Variants in CLSTN2 observed in about 807,000 individuals in gnomAD.
The protein encoded by CLSTN2 is calsyntenin-2.
Under a neutral mutation model 101.2 loss-of-function variants are expected in CLSTN2, and 48 were observed. The observed-to-expected ratio is 0.47, with a 90% CI of 0.38 to 0.60. The LOEUF (loss-of-function observed/expected upper bound fraction) is 0.60, where lower values mean the gene tolerates loss of function less well. Among genes scored for constraint, CLSTN2 ranks in the 20% least tolerant of loss-of-function variants. The probability of loss-of-function intolerance (pLI) is 0.00; values close to 1 mark genes in which losing one functional copy is unlikely to be tolerated. For synonymous variants in CLSTN2, 481 were observed against 463.6 expected, an observed-to-expected ratio of 1.04 and a Z score of -0.48; for missense variants, 1,160 against 1,238.2, an observed-to-expected ratio of 0.94 and a Z score of 0.95.
chr3:140,189,587 G>C (rs2010531214), intron 2 of CLSTN2, among the ~76,000 whole-genome samples: 1 of 152,016 alleles, frequency 6.6e-6, no homozygotes, highest in African/African-American at 2.4e-5. Flanking sequence ...ATTGCATTAG[G>C]ATTTTTGTTA....
At chr3:140,420,713 T>G (rs1415222762) in intron 4 of CLSTN2, among the ~76,000 whole-genome samples, 2 of 152,242 alleles carry the variant, frequency 1.3e-5, no homozygotes, top group African/African-American at 4.8e-5. Flanking sequence ...AAAAAATATG[T>G]GTCAGGACAT....
intron 8 of CLSTN2, 148 bp downstream of exon 8, chr3:140,466,879 C>G: frequency 9.5e-7 from 1 of 1,048,398 alleles, no homozygotes; most frequent in Non-Finnish European, 1.4e-6. Context: ...CACACAGCAT[C>G]TTAAAGTCAG....
chr3:140,134,541 C>T (rs1276905643), intron 1 of CLSTN2, among the ~76,000 whole-genome samples: 1 of 152,154 alleles, frequency 6.6e-6, no homozygotes, highest in Non-Finnish European at 1.5e-5. Flanking sequence ...ATAATGTTTC[C>T]ATAGAAACTC....
chr3:140,217,163 C>T (rs1404150314), intron 2 of CLSTN2, among the ~76,000 whole-genome samples: 1 of 152,150 alleles, frequency 6.6e-6, no homozygotes, highest in Non-Finnish European at 1.5e-5. Flanking sequence ...TTTACAGTTT[C>T]CCTAGGAGTT....
chr3:140,014,787 G>T (rs1451603396), intron 1 of CLSTN2, among the ~76,000 whole-genome samples: 2 of 152,176 alleles, frequency 1.3e-5, no homozygotes, highest in African/African-American at 4.8e-5. Context: ...CAGGAGGATG[G>T]GAGTGATCAG....
At chr3:140,048,300 A>G (rs773115147) in intron 1 of CLSTN2, among the ~76,000 whole-genome samples, 3 of 152,242 alleles carry the variant, frequency 2.0e-5, no homozygotes, top group Non-Finnish European at 4.4e-5. Flanking sequence ...CTTGGGAAAT[A>G]CAGCCTAGGT....
At chr3:140,029,369 T>C (rs1181476215) in intron 1 of CLSTN2, among the ~76,000 whole-genome samples, 3 of 152,214 alleles carry the variant, frequency 2.0e-5, no homozygotes, top group Non-Finnish European at 4.4e-5. Flanking sequence ...TAAAAGTATA[T>C]AGTATACATA....
chr3:140,142,202 C>T (rs1365580270), intron 1 of CLSTN2, among the ~76,000 whole-genome samples: 1 of 152,170 alleles, frequency 6.6e-6, no homozygotes, highest in Non-Finnish European at 1.5e-5. Flanking sequence ...CAACTTGGCT[C>T]ATGTTGCTTC....
At chr3:140,517,518 A>C (rs1386704445) in intron 8 of CLSTN2, among the ~76,000 whole-genome samples, 1 of 152,118 alleles carries the variant, frequency 6.6e-6, no homozygotes, top group East Asian at 1.9e-4. Flanking sequence ...TACTTCCTTG[A>C]TGTGGAACTT....
chr3:140,109,343 C>T (rs566245314), intron 1 of CLSTN2, among the ~76,000 whole-genome samples: 1 of 152,276 alleles, frequency 6.6e-6, no homozygotes, highest in South Asian at 2.1e-4. Context: ...AGGCTGCTCA[C>T]AGTGTCTCTG....
At position 140,224,509 on chromosome 3, in the gene CLSTN2, A is replaced by T. The variant is rs72988170; in HGVS notation, c.232+48436A>T. On this transcript the variant is annotated intron_variant, in intron 2 of 16. Transcript: ENST00000458420. ...AGCATGGAGTTTATATTATGTGTTC[A>T]TGTGCGTGCAGGCTTTATAGACATG... 4.0e-3 allele frequency among the ~76,000 whole-genome samples: 606 copies of T among 152,314 alleles called. 3 individuals carry two copies. The highest frequency in any genetic ancestry group is 0.014 in the African/African-American group (573 of 41,566).
chr3:140,112,976 G>A (rs998033649), intron 1 of CLSTN2, among the ~76,000 whole-genome samples: 1 of 152,080 alleles, frequency 6.6e-6, no homozygotes, highest in Non-Finnish European at 1.5e-5. Context: ...TAATTTCCAG[G>A]AGAGGCCCTA....
At chr3:140,552,832 A>G (rs956033630) in intron 10 of CLSTN2, among the ~76,000 whole-genome samples, 3 of 152,218 alleles carry the variant, frequency 2.0e-5, no homozygotes, top group Non-Finnish European at 4.4e-5. Context: ...AGATAGCAAC[A>G]GCACAAGACT....
chr3:140,090,613 A>G (rs2008762042), intron 1 of CLSTN2, among the ~76,000 whole-genome samples: 1 of 152,150 alleles, frequency 6.6e-6, no homozygotes, highest in Admixed American at 6.5e-5. Flanking sequence ...CTGGGAGCGT[A>G]AGTCCTGTTG....
At chr3:140,309,555 G>A (rs1426270467) in intron 2 of CLSTN2, among the ~76,000 whole-genome samples, 2 of 152,086 alleles carry the variant, frequency 1.3e-5, no homozygotes, top group Non-Finnish European at 2.9e-5. Context: ...GCAGGGCATA[G>A]GTGATGGCAA....
intron 1 of CLSTN2, among the ~76,000 whole-genome samples, chr3:140,063,964 G>T (rs2008255130): frequency 6.6e-6 from 1 of 152,182 alleles, no homozygotes; most frequent in Non-Finnish European, 1.5e-5. Context: ...TGGAGTGCTT[G>T]TGTTCAATCC....
chr3:140,205,108 C>T (rs2010764000), intron 2 of CLSTN2, among the ~76,000 whole-genome samples: 1 of 152,066 alleles, frequency 6.6e-6, no homozygotes, highest in Non-Finnish European at 1.5e-5. Context: ...AGAGGGAAGA[C>T]CTATTATTTG....
intron 1 of CLSTN2, among the ~76,000 whole-genome samples, chr3:139,996,370 A>G (rs2006658907): frequency 6.6e-6 from 1 of 152,164 alleles, no homozygotes; most frequent in Admixed American, 6.5e-5. Flanking sequence ...ATAATGCCAA[A>G]TTATCTTTCA....
At chr3:140,552,234 A>G (rs1270700072) in intron 10 of CLSTN2, among the ~76,000 whole-genome samples, 2 of 152,104 alleles carry the variant, frequency 1.3e-5, no homozygotes, top group Non-Finnish European at 2.9e-5. Flanking sequence ...TTCTTGGCTC[A>G]ACGAAAGGCT....
Sources: allele counts gnomAD v4.1 joint callset (sites outside exome capture counted in the v4.1 genomes callset), GRCh38; gene constraint gnomAD v4.1.1; transcripts MANE v1.5; gene names NCBI Gene and HGNC (gene_info 2026-07-23, HGNC 2026-07-21).